Variants in SEZ6L2 observed in about 807,000 individuals in gnomAD.
SEZ6L2 encodes the protein seizure 6-like protein 2.
Under a neutral mutation model 97.0 loss-of-function variants are expected in SEZ6L2, and 44 were observed. That is an observed-to-expected ratio of 0.45 (90% CI 0.36 to 0.58). The LOEUF is 0.58. SEZ6L2 is among the 20% of genes least tolerant of loss of function. The pLI, the probability that SEZ6L2 is intolerant of heterozygous loss-of-function variation, is 0.00. For missense variants in SEZ6L2, 1,086 were observed against 1,233.3 expected (o/e 0.88, Z 1.79); for synonymous variants, 543 against 546.1 (o/e 0.99, Z 0.08).
chr16:29,888,346 T>C (rs1467115067), intron 6 of SEZ6L2, among the ~76,000 whole-genome samples, 194 bp downstream of exon 6: 1 of 151,778 alleles, frequency 6.6e-6, no homozygotes, highest in East Asian at 1.9e-4. Flanking sequence ...CACCCAAGGA[T>C]GGAGAAACCC....
chr16:29,874,566 T>TGG (rs2067862642), intron 12 of SEZ6L2, among the ~76,000 whole-genome samples: 1 of 96,934 alleles, frequency 1.0e-5, no homozygotes, highest in African/African-American at 4.3e-5. Context: ...TTTTTTTTTT[T>TGG]TTTTTTTTTT....
Position 29,897,925 on chromosome 16 carries a change from C to T in SEZ6L2, c.139G>A (p.Ala47Thr). 1 of 1,613,660 alleles carries T rather than the reference C, an allele frequency of 6.2e-7. No homozygotes were observed. Among genetic ancestry groups the T allele is most frequent in the Non-Finnish European group, 8.5e-7 (1 of 1,179,742 alleles). The change falls in exon 2 of 18, where the codon GCC becomes ACC. Residue 47 changes from alanine (A) to threonine (T), a missense_variant. This residue lies in a region of SEZ6L2 where 776 missense variants were observed against 794.7 expected (regional missense o/e 0.98). Transcript: ENST00000617533. ...PEPGSETPTV[A>T]SEALAELLHG... ...AGCAGTTCAGCCAGGGCCTCAGAGGCCACCGTGGGGGTCTCACTTCCAGGC... is the reference window on the plus strand; with the variant it reads ...AGCAGTTCAGCCAGGGCCTCAGAGGTCACCGTGGGGGTCTCACTTCCAGGC...
In SEZ6L2 at chr16:29,871,497, A is replaced by G. The variant is rs2067778850; in HGVS notation, c.*202T>C. 3.2e-6 allele frequency: 2 copies of G among 628,518 alleles called. No individual in the cohort carries two copies. The highest frequency in any genetic ancestry group is 5.7e-6 in the Non-Finnish European group (2 of 348,620). 38.9% of individuals were successfully genotyped at this position (628,518 alleles called of 1,614,324 possible). A position where few individuals can be genotyped will look rare whatever the true frequency, so the allele number is the denominator to read the frequency against. On this transcript the variant is annotated 3_prime_UTR_variant, in exon 18 of 18. Transcript: ENST00000617533. ...GCAGGCCCCTCGTTTGGCAACTGAG[A>G]AGAGGCGGCTTTGGGCGGCAGGATG...
chr16:29,889,903 C>CTTTTTG (rs545806741), intron 5 of SEZ6L2, among the ~76,000 whole-genome samples: 4 of 150,630 alleles, frequency 2.7e-5, no homozygotes, highest in Admixed American at 1.3e-4. Context: ...ACTATTTTGT[C>CTTTTTG]TTTTTGTTTT....
Position 29,897,086 on chromosome 16 carries a change from C to T in SEZ6L2, c.247G>A (p.Ala83Thr). 1 of 1,580,692 alleles carries T rather than the reference C, an allele frequency of 6.3e-7. No homozygotes were observed. ...DRDPTLATPP[A>T]GQTLAVPSLP... Reference sequence around the variant, plus strand: ...GAGGGCACTGCGAGAGTCTGGCCGGCCGGAGGGGTGGCTAGCGTGGGGTCC... The same window carrying T: ...GAGGGCACTGCGAGAGTCTGGCCGGTCGGAGGGGTGGCTAGCGTGGGGTCC... The change falls in exon 3 of 18, where the codon GCC becomes ACC. Residue 83 changes from alanine (A) to threonine (T), a missense_variant. Physicochemically the swap from Ala to Thr is moderately conservative, Grantham distance 58. Transcript: ENST00000617533.
Position 29,871,999 on chromosome 16 carries a change from C to A in SEZ6L2, c.2742+188G>T, listed in dbSNP as rs560411806. Among the ~76,000 whole-genome samples, 8 of 152,224 alleles carry A rather than the reference C, an allele frequency of 5.3e-5. No individual in the cohort carries two copies. The South Asian group carries it at 1.7e-3, about 32-fold the overall frequency. On this transcript the variant is annotated intron_variant, in intron 17 of 17. Coordinates refer to ENST00000617533, the MANE Select transcript of SEZ6L2 (RefSeq NM_001243332.2). ...CGTATTCTTGAGATGGGGCACAAGT[C>A]CTCCACTTAGCCACAGTCCTCACCA...
chr16:29,890,362 T>G (rs2068245579), intron 5 of SEZ6L2, among the ~76,000 whole-genome samples: 1 of 152,076 alleles, frequency 6.6e-6, no homozygotes, highest in Non-Finnish European at 1.5e-5. Flanking sequence ...AAGAACAACC[T>G]TCTAGAACAA....
At chr16:29,895,178 CAAAAAAAA>C (rs55954869) in intron 5 of SEZ6L2, 73 bp downstream of exon 5, 26 of 568,046 alleles carry the variant, frequency 4.6e-5, no homozygotes, top group Non-Finnish European at 4.5e-5. Context: ...GACTCTGTCT[CAAAAAAAA>C]AAAAAAAAAA....
chr16:29,891,849 T>C (rs1311571778), intron 5 of SEZ6L2, among the ~76,000 whole-genome samples: 1 of 152,144 alleles, frequency 6.6e-6, no homozygotes, highest in Non-Finnish European at 1.5e-5. Flanking sequence ...TCAGGGAAGA[T>C]TGGCCTGAAA....
intron 7 of SEZ6L2, among the ~76,000 whole-genome samples, chr16:29,886,542 G>A (rs907014365): frequency 6.6e-6 from 1 of 150,934 alleles, no homozygotes; most frequent in Non-Finnish European, 1.5e-5. Context: ...TTAGCCGGAC[G>A]TGGTGGCACA....
rs753908628 is a variant in SEZ6L2 at position 29,895,494 on chromosome 16, G to A, written c.652-34C>T. ...GCCAGACACAGACCCGCCAGGGCAA[G>A]TCAGCCAGGTGTTTGACTTCCAAAG... On this transcript the variant is annotated intron_variant, in intron 4 of 17. Coordinates refer to ENST00000617533, the MANE Select transcript of SEZ6L2 (RefSeq NM_001243332.2). The A allele has an allele frequency of 2.5e-6, 4 of 1,606,780 alleles. No individual in the cohort carries two copies. The South Asian group carries it at 3.3e-5, about 13-fold the overall frequency.
At chr16:29,881,580 T>G (rs559895184) in intron 8 of SEZ6L2, among the ~76,000 whole-genome samples, 4 of 151,412 alleles carry the variant, frequency 2.6e-5, no homozygotes, top group Admixed American at 2.6e-4. Flanking sequence ...AAACTCCCTG[T>G]AAGTTAAGAT....
intron 17 of SEZ6L2, 63 bp downstream of exon 17, chr16:29,872,124 A>T (rs1295081748): frequency 7.6e-7 from 1 of 1,317,326 alleles, no homozygotes; most frequent in Non-Finnish European, 1.1e-6. Context: ...AGACCTTGCG[A>T]GAAGGTTATG....
Position 29,876,680 on chromosome 16 carries a change from T to C in SEZ6L2, c.2104+76A>G. On this transcript the variant is annotated intron_variant, in intron 12 of 17. Transcript: ENST00000617533. The surrounding 1 kb of genome is among the most constrained non-coding windows in gnomAD (Gnocchi z 6.5). ...GGATGGAACCCAGAAAGCACGGGGGTCGGGACAGGACAGGCCGACGACGGG... is the reference window on the plus strand; with the variant it reads ...GGATGGAACCCAGAAAGCACGGGGGCCGGGACAGGACAGGCCGACGACGGG... The C allele has an allele frequency of 7.5e-7, 1 of 1,327,782 alleles. No individual in the cohort carries two copies. The highest frequency in any genetic ancestry group is 2.6e-5 in the East Asian group (1 of 38,072). 82.3% of individuals were successfully genotyped at this position (1,327,782 alleles called of 1,614,324 possible). A position where few individuals can be genotyped will look rare whatever the true frequency, so the allele number is the denominator to read the frequency against.
intron 10 of SEZ6L2, among the ~76,000 whole-genome samples, 185 bp from the exon 11 acceptor site, chr16:29,877,652 T>A (rs1304278810): frequency 6.6e-6 from 1 of 152,202 alleles, no homozygotes; most frequent in Non-Finnish European, 1.5e-5. Flanking sequence ...TGCTAGTGCC[T>A]CAGGGTTCCC....
At chr16:29,884,524 G>T (rs892693158) in intron 8 of SEZ6L2, among the ~76,000 whole-genome samples, 1 of 150,228 alleles carries the variant, frequency 6.7e-6, no homozygotes, top group African/African-American at 2.5e-5. Flanking sequence ...CCTGGAGGAG[G>T]GGGGCTGCAG....
chr16:29,884,430 A>G (rs942753041), intron 8 of SEZ6L2, among the ~76,000 whole-genome samples: 6 of 152,002 alleles, frequency 3.9e-5, no homozygotes, highest in Non-Finnish European at 7.4e-5. Flanking sequence ...CGTCTCTACT[A>G]AAAACCCAAA....
chr16:29,890,835 A>G (rs1421945684), intron 5 of SEZ6L2, among the ~76,000 whole-genome samples: 3 of 125,938 alleles, frequency 2.4e-5, no homozygotes, highest in Non-Finnish European at 4.7e-5. Context: ...TGCAACTTTT[A>G]CCTCCCGGGT....
chr16:29,883,664 G>T (rs947990567), intron 8 of SEZ6L2, among the ~76,000 whole-genome samples: 6 of 152,142 alleles, frequency 3.9e-5, no homozygotes, highest in Non-Finnish European at 8.8e-5. Context: ...GGGCAGGGTG[G>T]CTCACGCCTG....
Sources: allele counts gnomAD v4.1 joint callset (sites outside exome capture counted in the v4.1 genomes callset), GRCh38; gene constraint gnomAD v4.1.1; regional missense constraint gnomAD v4.1.1; non-coding constraint Gnocchi (gnomAD v3.1); transcripts MANE v1.5; gene names NCBI Gene and HGNC (gene_info 2026-07-23, HGNC 2026-07-21).